Variants in FHOD3 observed in about 807,000 individuals in gnomAD.
The protein encoded by FHOD3 is FH1/FH2 domain-containing protein 3.
FHOD3 carries 90 observed loss-of-function variants against 173.0 expected under a neutral mutation model. That is an observed-to-expected ratio of 0.52 (90% CI 0.44 to 0.62). The LOEUF (loss-of-function observed/expected upper bound fraction) is 0.62. Among genes scored for constraint, FHOD3 ranks in the 20% least tolerant of loss-of-function variants. The pLI is 0.00. For missense variants in FHOD3, 1,945 were observed against 2,034.7 expected, an observed-to-expected ratio of 0.96 and a Z score of 0.85; for synonymous variants, 828 against 823.0, an observed-to-expected ratio of 1.01 and a Z score of -0.10.
chr18:36,635,680 C>T (rs1568528110), intron 10 of FHOD3, among the ~76,000 whole-genome samples: 1 of 152,170 alleles, frequency 6.6e-6, no homozygotes, highest in Non-Finnish European at 1.5e-5. Flanking sequence ...AGTCAGTAAG[C>T]TCCTGGATGT....
At chr18:36,601,979 C>T (rs1178956576) in intron 7 of FHOD3, among the ~76,000 whole-genome samples, 1 of 152,182 alleles carries the variant, frequency 6.6e-6, no homozygotes, top group Admixed American at 6.5e-5. Context: ...GTGCCAAGTC[C>T]CCTGCAGTCA....
intron 2 of FHOD3, among the ~76,000 whole-genome samples, chr18:36,364,342 CT>C (rs1443414915): frequency 6.6e-6 from 1 of 152,226 alleles, no homozygotes; most frequent in Non-Finnish European, 1.5e-5. Flanking sequence ...TCCTTCCACT[CT>C]TACCATCTCA....
At chr18:36,514,937 G>T (rs12971276) in intron 5 of FHOD3, among the ~76,000 whole-genome samples, 20,636 of 152,170 alleles carry the variant, frequency 0.14, 1,872 homozygotes, top group East Asian at 0.46. Context: ...AGAAAGGCTT[G>T]GGCTTGAGGT....
intron 1 of FHOD3, among the ~76,000 whole-genome samples, chr18:36,314,523 G>A (rs8098812): frequency 0.011 from 1,628 of 152,308 alleles, 32 homozygotes; most frequent in African/African-American, 0.037. Flanking sequence ...AGAGAATAGA[G>A]CTTTAGAGGA....
At chr18:36,401,855 A>G (rs914608259) in intron 3 of FHOD3, among the ~76,000 whole-genome samples, 1 of 152,184 alleles carries the variant, frequency 6.6e-6, no homozygotes, top group Non-Finnish European at 1.5e-5. Flanking sequence ...CATTTTTACC[A>G]ATTCATTGAT....
chr18:36,662,855 A>G (rs577164488), intron 14 of FHOD3, among the ~76,000 whole-genome samples: 1 of 152,176 alleles, frequency 6.6e-6, no homozygotes, highest in Non-Finnish European at 1.5e-5. Flanking sequence ...ATAACTCCTT[A>G]TATCCCTCTT....
intron 14 of FHOD3, among the ~76,000 whole-genome samples, chr18:36,678,085 A>G (rs529721890): frequency 6.6e-6 from 1 of 152,316 alleles, no homozygotes; most frequent in East Asian, 1.9e-4. Flanking sequence ...AGATGGTCAG[A>G]TTATCTGTAA....
At chr18:36,727,811 C>G (rs2041154173) in intron 19 of FHOD3, among the ~76,000 whole-genome samples, 1 of 152,204 alleles carries the variant, frequency 6.6e-6, no homozygotes, top group African/African-American at 2.4e-5. Context: ...TGCTTCTCCC[C>G]CAAGCTGTTT....
At chr18:36,438,584 T>C (rs1233686378) in intron 3 of FHOD3, among the ~76,000 whole-genome samples, 1 of 152,178 alleles carries the variant, frequency 6.6e-6, no homozygotes, top group Non-Finnish European at 1.5e-5. Flanking sequence ...ACCACTGTTA[T>C]GTGTGTCTGT....
chr18:36,589,939 C>T (rs1381948475), intron 6 of FHOD3, among the ~76,000 whole-genome samples: 1 of 152,160 alleles, frequency 6.6e-6, no homozygotes, highest in Admixed American at 6.5e-5. Context: ...CCTTCGTTAC[C>T]ACGTGAAGGC....
At position 36,512,495 on chromosome 18, in the gene FHOD3, A is replaced by G. The variant is rs771423423; in HGVS notation, c.463A>G (p.Lys155Glu). 120 of 1,614,006 alleles carry G rather than the reference A, an allele frequency of 7.4e-5. No homozygotes were observed. The East Asian group carries it at 2.6e-3, about 35-fold the overall frequency. Residue 155 changes from lysine (K) to glutamate (E), a missense_variant, in exon 5 of 29, where the codon AAG becomes GAG. Physicochemically the swap from Lys to Glu is moderately conservative, Grantham distance 56. Transcript: ENST00000590592. ...GGCTGAAGGTCTGACATGTTTGATC[A>G]AGGTGGGAGCTGAGGCTGATCAGAA... ...VVAEGLTCLI[K>E]VGAEADQNYQ... is the part of the protein sequence containing the mutation.
chr18:36,579,951 A>T (rs1035387141), intron 6 of FHOD3, among the ~76,000 whole-genome samples: 1 of 152,154 alleles, frequency 6.6e-6, no homozygotes, highest in African/African-American at 2.4e-5. Context: ...GAGAAAAAAA[A>T]AAACAGAAAT....
intron 5 of FHOD3, among the ~76,000 whole-genome samples, chr18:36,548,709 G>T (rs1264851118): frequency 6.6e-6 from 1 of 152,062 alleles, no homozygotes; most frequent in East Asian, 1.9e-4. Flanking sequence ...TTATTGTCTG[G>T]CTTCTTTCAC....
intron 10 of FHOD3, among the ~76,000 whole-genome samples, chr18:36,646,211 A>T (rs1294681106): frequency 6.6e-6 from 1 of 152,182 alleles, no homozygotes; most frequent in East Asian, 1.9e-4. Context: ...ATTGCTGGAT[A>T]CAAGCAAAAT....
At chr18:36,544,603 G>C (rs1403146761) in intron 5 of FHOD3, 1 of 152,358 alleles carries the variant, frequency 6.6e-6, no homozygotes, top group African/African-American at 2.4e-5. Context: ...GAGGTGGAGA[G>C]GTCGCCACAG....
chr18:36,320,224 G>C (rs1389479224), intron 1 of FHOD3, among the ~76,000 whole-genome samples: 1 of 152,088 alleles, frequency 6.6e-6, no homozygotes, highest in African/African-American at 2.4e-5. Context: ...CAGCAAAATA[G>C]ACAGACTGCT....
rs200709363 is a variant in FHOD3, at chr18:36,502,216, CAT to C, written c.405+220_405+221del. ...ATAAAAAGTAAAGGTAACTTTATCA[CAT>C]ATTTTTCCATATTTACTTCTAGTTT... On this transcript the variant is annotated intron_variant, in intron 4 of 28. Transcript: ENST00000590592. Among the ~76,000 whole-genome samples the C allele has an allele frequency of 7.8e-3, 1,179 of 150,488 alleles. 16 individuals carry two copies. The highest frequency in any genetic ancestry group is 0.028 in the African/African-American group (1,129 of 40,920).
intron 8 of FHOD3, among the ~76,000 whole-genome samples, chr18:36,608,003 C>T (rs1027343007): frequency 2.0e-5 from 3 of 152,210 alleles, no homozygotes; most frequent in African/African-American, 4.8e-5. Flanking sequence ...TGAGCTCCCA[C>T]CAGAGTCAAC....
chr18:36,765,135 A>G (rs918354574), intron 27 of FHOD3, among the ~76,000 whole-genome samples: 1 of 152,194 alleles, frequency 6.6e-6, no homozygotes, highest in Non-Finnish European at 1.5e-5. Flanking sequence ...TGGGGGTTGG[A>G]GGGAGGAAGG....
Sources: allele counts gnomAD v4.1 joint callset (sites outside exome capture counted in the v4.1 genomes callset), GRCh38; gene constraint gnomAD v4.1.1; transcripts MANE v1.5; gene names NCBI Gene and HGNC (gene_info 2026-07-23, HGNC 2026-07-21).